Variants in MUC5B observed in about 807,000 individuals in gnomAD.
The protein encoded by MUC5B is mucin 5B, oligomeric mucus/gel-forming.
In MUC5B, 116 loss-of-function variants were observed where a neutral mutation model predicts 376.9. The ratio of observed to expected loss-of-function variants is 0.31; its 90% CI spans 0.26 to 0.36. The LOEUF is 0.36. Ranked by LOEUF, MUC5B falls within the 10% of genes least tolerant of loss-of-function variation. The pLI is 1.00. For missense variants in MUC5B, 7,165 were observed against 7,769.9 expected (o/e 0.92, Z 2.93); for synonymous variants, 3,517 against 3,390.9 (o/e 1.04, Z -1.29).
chr11:1,240,381 C>A lies in MUC5B; in HGVS notation c.3970+6C>A. 6.3e-7 allele frequency: 1 copy of A among 1,585,918 alleles called. No individual in the cohort carries two copies. The highest frequency in any genetic ancestry group is 1.7e-5 in the Admixed American group (1 of 58,672). On this transcript the variant is annotated splice_donor_region_variant and intron_variant, in intron 30 of 48. Coordinates refer to ENST00000529681, the MANE Select transcript of MUC5B (RefSeq NM_002458.3). ...GGTCCCCCACTCCACGACAAGTAAG[C>A]CCTGCCTGGCTCTCCTGAGGCCCAG...
chr11:1,250,381 C>T lies in MUC5B; in HGVS notation c.13501C>T (p.Pro4501Ser). The T allele has an allele frequency of 1.2e-6, 2 of 1,613,484 alleles. No homozygotes were observed. The highest frequency in any genetic ancestry group is 2.2e-5 in the East Asian group (1 of 44,870). ...CTCCAAAGCCACTCCCTCCTCCAGT[C>T]CAGGGACTGCAACTGCCCTTCCAGC... ...TSSKATPSSS[P>S]GTATALPALR... The change falls in exon 31 of 49, where the codon CCA (proline) becomes TCA (serine). Residue 4501 changes from proline (P) to serine (S), a missense_variant. Physicochemically the swap from Pro to Ser is moderately conservative, Grantham distance 74 (BLOSUM62 -1). Around this residue, in one of 31 missense-constraint regions of MUC5B, gnomAD observed 431 missense variants for 390.4 expected, o/e 1.10. Transcript: ENST00000529681.
rs1186851247 is a variant in MUC5B, at chr11:1,250,551, G to A, written c.13671G>A (p.Glu4557=). The A allele has an allele frequency of 4.3e-6, 7 of 1,612,894 alleles. No homozygotes were observed. The highest frequency in any genetic ancestry group is 5.9e-6 in the Non-Finnish European group (7 of 1,179,762). ...CAGCCACACCCTCCTCCACTCCAGAGACTGTCCACACCTCCACAGTGCTTA... is the reference window on the plus strand; with the variant it reads ...CAGCCACACCCTCCTCCACTCCAGAAACTGTCCACACCTCCACAGTGCTTA... ...MSTATPSSTP[E]TVHTSTVLTA... The change falls in exon 31 of 49, where the codon GAG becomes GAA. Residue 4557 remains glutamate (E), a synonymous_variant. Transcript: ENST00000529681.
rs774171831 is a variant in MUC5B at position 1,248,524 on chromosome 11, G to C, written c.11644G>C (p.Gly3882Arg). 6.2e-6 allele frequency: 10 copies of C among 1,612,986 alleles called. No homozygotes were observed. The highest frequency in any genetic ancestry group is 8.5e-6 in the Non-Finnish European group (10 of 1,179,588). ...GFTVTPSSSPGTARTPPVWIS... is the reference protein window; with the variant it reads ...GFTVTPSSSPRTARTPPVWIS... Reference sequence around the variant, plus strand: ...CACAGTCACCCCCTCCTCCAGCCCAGGGACGGCACGCACGCCTCCAGTGTG... The same window carrying C: ...CACAGTCACCCCCTCCTCCAGCCCACGGACGGCACGCACGCCTCCAGTGTG... The change falls in exon 31 of 49, where the codon GGG becomes CGG. Residue 3882 changes from glycine to arginine, a missense_variant. Gly to Arg is a moderately radical substitution (Grantham distance 125). Transcript: ENST00000529681.
intron 15 of MUC5B, 52 bp downstream of exon 15, chr11:1,232,212 C>A: frequency 1.3e-6 from 2 of 1,524,750 alleles, no homozygotes; most frequent in South Asian, 2.6e-5. Flanking sequence ...TCCCACCCAG[C>A]ACCTTCCTGT....
intron 13 of MUC5B, among the ~76,000 whole-genome samples, 181 bp downstream of exon 13, chr11:1,231,186 C>G (rs1315277657): frequency 6.6e-6 from 1 of 152,190 alleles, no homozygotes; most frequent in Non-Finnish European, 1.5e-5. Context: ...ACCCCGGCAG[C>G]GGCAGGGACC....
At position 1,258,180 on chromosome 11, in the gene MUC5B, A is replaced by T. The variant is rs899027005; in HGVS notation, c.16532A>T (p.Asp5511Val). 6.3e-6 allele frequency: 10 copies of T among 1,598,888 alleles called. No individual in the cohort carries two copies. Among genetic ancestry groups the T allele is most frequent in the Non-Finnish European group, 8.5e-6 (10 of 1,174,552 alleles). Reference sequence around the variant, plus strand: ...TCCATCTGCACCCAGGAGGAGGGCGACTGCTGTCCCACCTTCCGCTGCAGT... The same window carrying T: ...TCCATCTGCACCCAGGAGGAGGGCGTCTGCTGTCCCACCTTCCGCTGCAGT... ...QESICTQEEG[D>V]CCPTFRCRPQ... The change falls in exon 42 of 49, where the codon GAC (aspartate) becomes GTC (valine). Residue 5511 changes from aspartate to valine, a missense_variant. Physicochemically the swap from Asp to Val is radical, Grantham distance 152 (BLOSUM62 -3). Transcript: ENST00000529681. The surrounding 1 kb of genome is among the most constrained non-coding windows in gnomAD (Gnocchi z 5.5).
intron 35 of MUC5B, 72 bp downstream of exon 35, chr11:1,254,952 G>A: frequency 1.3e-6 from 1 of 782,002 alleles, no homozygotes. Flanking sequence ...CATAGGGGAA[G>A]CCTGGGGAGG....
chr11:1,244,745 C>T lies in MUC5B; in HGVS notation c.7865C>T (p.Ser2622Phe), dbSNP rs747641916. Residue 2622 changes from serine to phenylalanine, a missense_variant, in exon 31 of 49, where the codon TCC becomes TTC. Physicochemically the swap from Ser to Phe is radical, Grantham distance 155. Around this residue, in one of 31 missense-constraint regions of MUC5B, gnomAD observed 141 missense variants for 111.2 expected, o/e 1.27. Coordinates refer to ENST00000529681, the MANE Select transcript of MUC5B (RefSeq NM_002458.3). The stretch of plus-strand genomic sequence containing the variant: ...ACGGGCTTCACAGCCACCCCCTCCT[C>T]CAGCCCAGGGACGGCACGCACGCTT... Reference protein sequence around the residue: ...TTTGFTATPSSSPGTARTLPV... With the variant: ...TTTGFTATPSFSPGTARTLPV... The T allele has an allele frequency of 1.3e-5, 21 of 1,612,296 alleles. 1 individual carries two copies. Among genetic ancestry groups the T allele is most frequent in the Middle Eastern group, 1.7e-4 (1 of 6,042 alleles).
chr11:1,247,178 TGA>T lies in MUC5B; in HGVS notation c.10299_10300del (p.Thr3434SerfsTer81), dbSNP rs1862506496. 1 of 1,560,580 alleles carries T rather than the reference TGA, an allele frequency of 6.4e-7. No homozygotes were observed. ...ACACCTGCAGCCACCAGCAGCACAGTGACTCCCTCCTCTGCCCTAGGGACCAC... is the reference window on the plus strand; with the variant it reads ...ACACCTGCAGCCACCAGCAGCACAGTCTCCCTCCTCTGCCCTAGGGACCAC... On this transcript the variant is annotated frameshift_variant, in exon 31 of 49. Coordinates refer to ENST00000529681, the MANE Select transcript of MUC5B (RefSeq NM_002458.3). LOFTEE classifies it high-confidence loss of function.
intron 25 of MUC5B, among the ~76,000 whole-genome samples, chr11:1,238,118 G>T (rs536956429): frequency 1.3e-5 from 2 of 152,244 alleles, no homozygotes; most frequent in Non-Finnish European, 2.9e-5. Context: ...CCCAGGTTCA[G>T]ATGGGGCCTG....
intron 1 of MUC5B, 55 bp from the exon 2 acceptor site, chr11:1,225,626 C>A: frequency 6.6e-7 from 1 of 1,510,798 alleles, no homozygotes; most frequent in South Asian, 1.2e-5. Flanking sequence ...TGGTTGGGTT[C>A]GTGGCTGGCA....
At chr11:1,239,628 G>A in intron 27 of MUC5B, 62 bp downstream of exon 27, 2 of 1,519,960 alleles carry the variant, frequency 1.3e-6, no homozygotes, top group South Asian at 2.6e-5. Flanking sequence ...GTACGTGGGG[G>A]GGCGGGGATC....
chr11:1,258,257 G>A lies in MUC5B; in HGVS notation c.16555+54G>A. 3.8e-6 allele frequency: 6 copies of A among 1,579,814 alleles called. No homozygotes were observed. The highest frequency in any genetic ancestry group is 5.2e-6 in the Non-Finnish European group (6 of 1,162,458). On this transcript the variant is annotated intron_variant, in intron 42 of 48. Transcript: ENST00000529681. The surrounding 1 kb of genome is among the most constrained non-coding windows in gnomAD (Gnocchi z 5.5). ...GTGGCCTCTTGCTGGGGGTGGGGGAGTGCAGGATGGTGGGGGCGCTGGAGC... is the reference window on the plus strand; with the variant it reads ...GTGGCCTCTTGCTGGGGGTGGGGGAATGCAGGATGGTGGGGGCGCTGGAGC...
rs774465079 is a variant in MUC5B at position 1,247,560 on chromosome 11, G to A, written c.10680G>A (p.Ser3560=). Residue 3560 remains serine (S), a synonymous_variant, in exon 31 of 49, where the codon TCG becomes TCA. Transcript: ENST00000529681. ...TSTLLPSSPT[S]APITTVVTTG... ...CCCTGCTGCCCAGCAGCCCCACATC[G>A]GCCCCCATAACCACGGTGGTGACCA... is the stretch of plus-strand genomic sequence containing the variant. 20 of 1,610,798 alleles carry A rather than the reference G, an allele frequency of 1.2e-5. No homozygotes were observed. The East Asian group carries it at 1.6e-4, about 13-fold the overall frequency.
chr11:1,239,558 G>T lies in MUC5B; in HGVS notation c.3575G>T (p.Gly1192Val), dbSNP rs757939965. 89 of 1,573,436 alleles carry T rather than the reference G, an allele frequency of 5.7e-5. No individual in the cohort carries two copies. Among genetic ancestry groups the T allele is most frequent in the Middle Eastern group, 1.7e-4 (1 of 5,904 alleles). Residue 1192 changes from glycine to valine, a missense_variant, in exon 27 of 49, where the codon GGC becomes GTC. Gly to Val is a moderately radical substitution (Grantham distance 109, BLOSUM62 -3). Transcript: ENST00000529681. ...PSGHCLVDLPGLEGCYPKCPP... is the reference protein window; with the variant it reads ...PSGHCLVDLPVLEGCYPKCPP... Reference sequence around the variant, plus strand: ...GGGCACTGCCTGGTGGACCTGCCTGGCCTGGAAGGTGAGGGGCAGCCTTTC... The same window carrying T: ...GGGCACTGCCTGGTGGACCTGCCTGTCCTGGAAGGTGAGGGGCAGCCTTTC...
Position 1,256,548 on chromosome 11 carries a change from G to A in MUC5B, c.16137-123G>A, listed in dbSNP as rs544814952. 799 of 329,290 alleles carry A rather than the reference G, an allele frequency of 2.4e-3. 3 individuals are homozygous for A. The highest frequency in any genetic ancestry group is 3.2e-3 in the Non-Finnish European group (579 of 179,256). 20.4% of individuals were successfully genotyped at this position (329,290 alleles called of 1,614,324 possible). On this transcript the variant is annotated intron_variant, in intron 38 of 48. Transcript: ENST00000529681. ...CCGCCCCCAGCCCCGCCCACCCTGA[G>A]CCCCGCACTCCACCCATTCATCTCC...
chr11:1,235,545 C>A (rs764232031), intron 23 of MUC5B, 132 bp downstream of exon 23: 2 of 755,796 alleles, frequency 2.6e-6, no homozygotes, highest in African/African-American at 1.7e-5. Flanking sequence ...CTGTTCCAAG[C>A]AGCCACAAAC....
At position 1,241,890 on chromosome 11, in the gene MUC5B, C is replaced by T; in HGVS notation, c.5010C>T (p.Thr1670=). 1 of 1,612,200 alleles carries T rather than the reference C, an allele frequency of 6.2e-7. No homozygotes were observed. The highest frequency in any genetic ancestry group is 8.5e-7 in the Non-Finnish European group (1 of 1,179,308). ...PRYTSTLGTA[T]TGGPTTPAGS... ...ACACAAGCACCCTTGGTACAGCCAC[C>T]ACGGGAGGCCCCACGACGCCTGCAG... Residue 1670 remains threonine, a synonymous_variant, in exon 31 of 49, where the codon ACC becomes ACT. Transcript: ENST00000529681.
rs752730321 is a variant in MUC5B, at chr11:1,250,397, C to T, written c.13517C>T (p.Ala4506Val). ...TCCTCCAGTCCAGGGACTGCAACTG[C>T]CCTTCCAGCACTGAGAAGCACAGCC... The part of the protein sequence containing the change: ...TPSSSPGTAT[A>V]LPALRSTATT... Residue 4506 changes from alanine (A) to valine (V), a missense_variant, in exon 31 of 49, where the codon GCC becomes GTC. Physicochemically the swap from Ala to Val is moderately conservative, Grantham distance 64 (BLOSUM62 0). This residue lies in a region of MUC5B where 431 missense variants were observed against 390.4 expected (regional missense o/e 1.10). Transcript: ENST00000529681. 1.9e-6 allele frequency: 3 copies of T among 1,613,182 alleles called. No homozygotes were observed. Among genetic ancestry groups the T allele is most frequent in the African/African-American group, 2.7e-5 (2 of 74,792 alleles).
Sources: gnomAD v4.1 joint callset for allele counts (sites outside exome capture counted in the v4.1 genomes callset) on GRCh38, gnomAD v4.1.1 for gene constraint, gnomAD v4.1.1 regional missense constraint, Gnocchi (gnomAD v3.1) non-coding constraint, MANE v1.5 for transcripts, NCBI Gene and HGNC (gene_info 2026-07-23, HGNC 2026-07-21) for gene names.